Variants in C10orf90 observed in about 807,000 individuals in gnomAD.
The protein encoded by C10orf90 is chromosome 10 open reading frame 90.
A neutral mutation model predicts 62.5 loss-of-function variants in C10orf90; 56 were observed. The ratio of observed to expected loss-of-function variants is 0.90; its 90% confidence interval spans 0.72 to 1.12. The LOEUF (loss-of-function observed/expected upper bound fraction) is 1.12. Ranked by LOEUF, C10orf90 falls within the 50% of genes most tolerant of loss-of-function variation. The pLI is 0.00. For synonymous variants in C10orf90, 386 were observed against 340.4 expected (o/e 1.13, Z -1.47); for missense variants, 970 against 880.4 (o/e 1.10, Z -1.29).
At position 126,451,197 on chromosome 10, in the gene C10orf90, G is replaced by T. The variant is rs571762577; in HGVS notation, c.2188+7843C>A. On this transcript the variant is annotated intron_variant, in intron 7 of 9. Coordinates refer to ENST00000488181, the MANE Select transcript of C10orf90 (RefSeq NM_001350921.2). ...CAAAGACAAACTATAACAAGTGTTG[G>T]CAAGAATGTGGAGAAAAGAGAACAC... is the stretch of plus-strand genomic sequence containing the variant. 5.3e-5 allele frequency among the ~76,000 whole-genome samples: 8 copies of T among 152,272 alleles called. No homozygotes were observed. The South Asian group carries it at 1.0e-3, about 20-fold the overall frequency.
Position 126,429,821 on chromosome 10 carries a change from T to C in C10orf90, c.2218A>G (p.Ile740Val). 2 of 1,614,080 alleles carry C rather than the reference T, an allele frequency of 1.2e-6. No individual in the cohort carries two copies. Among genetic ancestry groups the C allele is most frequent in the Non-Finnish European group, 1.7e-6 (2 of 1,179,976 alleles). Residue 740 changes from isoleucine to valine, a missense_variant, in exon 8 of 10, where the codon ATT becomes GTT. Coordinates refer to ENST00000488181, the MANE Select transcript of C10orf90 (RefSeq NM_001350921.2). ...CGCATATGCATCTCCTTCTCTGAAA[T>C]GCACCGTTCTTTGGGTTTGAACAAG... ...DNLFKPKERC[I>V]SEKEMHMRSK...
chr10:126,598,826 A>G (rs1330296330), intron 2 of C10orf90, among the ~76,000 whole-genome samples: 1 of 152,186 alleles, frequency 6.6e-6, no homozygotes, highest in Non-Finnish European at 1.5e-5. Context: ...AAAGGAATGG[A>G]TGAAAACTAG....
chr10:126,490,992 A>G (rs1421850903), intron 4 of C10orf90, among the ~76,000 whole-genome samples: 3 of 152,220 alleles, frequency 2.0e-5, no homozygotes, highest in African/African-American at 7.2e-5. Context: ...TTCAGTTCCC[A>G]TACAGAAATG....
At chr10:126,536,211 G>C (rs1021274167) in intron 2 of C10orf90, among the ~76,000 whole-genome samples, 4 of 152,238 alleles carry the variant, frequency 2.6e-5, no homozygotes, top group African/African-American at 9.6e-5. Context: ...ACGTGGATAT[G>C]GGCTTTTGAT....
intron 4 of C10orf90, among the ~76,000 whole-genome samples, chr10:126,489,028 T>C (rs1166966567): frequency 1.3e-5 from 2 of 152,190 alleles, no homozygotes; most frequent in African/African-American, 2.4e-5. Context: ...TCCCAGTTCA[T>C]TGTATAAACC....
chr10:126,471,932 C>G (rs994338826), intron 4 of C10orf90, among the ~76,000 whole-genome samples: 2 of 94,210 alleles, frequency 2.1e-5, no homozygotes, highest in Admixed American at 9.6e-5. Context: ...ATAAAACACA[C>G]ACACACACAC....
chr10:126,623,840 C>CAAA (rs34974050), intron 2 of C10orf90, among the ~76,000 whole-genome samples: 5 of 19,548 alleles, frequency 2.6e-4, no homozygotes, highest in African/African-American at 5.2e-4. Flanking sequence ...GACTCCATCT[C>CAAA]AAAAAAAAAA....
At chr10:126,545,954 C>T (rs372447524) in intron 2 of C10orf90, among the ~76,000 whole-genome samples, 8 of 152,140 alleles carry the variant, frequency 5.3e-5, no homozygotes, top group African/African-American at 1.9e-4. Flanking sequence ...TAAGCAGACT[C>T]TTAAAGGTGG....
chr10:126,563,049 T>C (rs10794091), intron 2 of C10orf90, among the ~76,000 whole-genome samples: 79,110 of 152,080 alleles, frequency 0.52, 20,707 homozygotes, highest in African/African-American at 0.55. Flanking sequence ...GTCACATTGA[T>C]GACTTGAAAC....
At chr10:126,507,311 C>G (rs1343626920) in intron 3 of C10orf90, among the ~76,000 whole-genome samples, 1 of 143,402 alleles carries the variant, frequency 7.0e-6, no homozygotes, top group South Asian at 2.3e-4. Flanking sequence ...GAGCCAAGAT[C>G]GCGCCACTGC....
chr10:126,457,987 T>A (rs1859692449), intron 7 of C10orf90, among the ~76,000 whole-genome samples: 1 of 152,194 alleles, frequency 6.6e-6, no homozygotes, highest in Non-Finnish European at 1.5e-5. Context: ...GCAGGTGTCT[T>A]GTCAAATATT....
intron 2 of C10orf90, among the ~76,000 whole-genome samples, chr10:126,640,434 T>TA (rs1480066144): frequency 1.3e-5 from 2 of 152,222 alleles, no homozygotes; most frequent in Non-Finnish European, 2.9e-5. Context: ...AGCTTCTTCA[T>TA]ACAAATGATG....
intron 2 of C10orf90, among the ~76,000 whole-genome samples, chr10:126,578,058 C>G (rs1276586015): frequency 6.6e-6 from 1 of 152,100 alleles, no homozygotes; most frequent in Non-Finnish European, 1.5e-5. Flanking sequence ...TAAACAGCAA[C>G]ATCATCACAA....
intron 2 of C10orf90, among the ~76,000 whole-genome samples, chr10:126,536,815 G>A (rs1271778295): frequency 2.0e-5 from 3 of 152,170 alleles, no homozygotes; most frequent in East Asian, 3.9e-4. Context: ...GGAGGCTCAG[G>A]GCTGCTTGAT....
intron 2 of C10orf90, among the ~76,000 whole-genome samples, chr10:126,618,926 T>G (rs2133812855): frequency 6.6e-6 from 1 of 152,228 alleles, no homozygotes; most frequent in South Asian, 2.1e-4. Context: ...GGAATCAACC[T>G]AAATGCCCAT....
intron 4 of C10orf90, among the ~76,000 whole-genome samples, chr10:126,498,122 C>G (rs1338361383): frequency 1.3e-5 from 2 of 152,192 alleles, no homozygotes; most frequent in African/African-American, 4.8e-5. Flanking sequence ...GTGTGAATGT[C>G]CACCAGCCAG....
intron 2 of C10orf90, among the ~76,000 whole-genome samples, chr10:126,541,173 T>G (rs1864367031): frequency 6.6e-6 from 1 of 152,096 alleles, no homozygotes; most frequent in African/African-American, 2.4e-5. Context: ...AAGAAAATAC[T>G]AATATTCTGG....
chr10:126,461,612 T>G (rs768442658), intron 5 of C10orf90, 27 bp from the exon 6 acceptor site: 2 of 1,600,354 alleles, frequency 1.2e-6, no homozygotes, highest in Non-Finnish European at 1.7e-6. Flanking sequence ...AGAATCCCAT[T>G]TAGAGGGCAC....
intron 5 of C10orf90, among the ~76,000 whole-genome samples, chr10:126,462,388 A>G (rs1164106605): frequency 2.0e-5 from 3 of 151,934 alleles, no homozygotes; most frequent in Admixed American, 6.6e-5. Context: ...ATGCTTGCCT[A>G]TCTCCATAAA....
Sources: gnomAD v4.1 joint callset for allele counts (sites outside exome capture counted in the v4.1 genomes callset) on GRCh38, gnomAD v4.1.1 for gene constraint, MANE v1.5 for transcripts, NCBI Gene and HGNC (gene_info 2026-07-23, HGNC 2026-07-21) for gene names.